TAFA4: variants seen among roughly 807,000 people sequenced by gnomAD.
TAFA4 encodes the protein chemokine-like protein TAFA-4.
A neutral mutation model predicts 21.1 loss-of-function variants in TAFA4; 20 were observed. The ratio of observed to expected loss-of-function variants is 0.95; its 90% confidence interval spans 0.67 to 1.38. TAFA4 has a LOEUF of 1.38. TAFA4 is among the 40% of genes most tolerant of loss of function. The pLI, the probability that TAFA4 is intolerant of heterozygous loss-of-function variation, is 0.00. For synonymous variants in TAFA4, 71 were observed against 67.4 expected, an observed-to-expected ratio of 1.05 and a Z score of -0.26; for missense variants, 211 against 180.9, an observed-to-expected ratio of 1.17 and a Z score of -0.95.
intron 3 of TAFA4, among the ~76,000 whole-genome samples, chr3:68,816,682 A>G (rs1703985465): frequency 6.6e-6 from 1 of 152,124 alleles, no homozygotes; most frequent in South Asian, 2.1e-4. Context: ...TGACTTGGGT[A>G]CCTTTTACAG....
intron 3 of TAFA4, among the ~76,000 whole-genome samples, chr3:68,765,213 A>T (rs1702828115): frequency 1.3e-5 from 2 of 152,134 alleles, no homozygotes; most frequent in South Asian, 4.1e-4. Context: ...TAGATTTCTT[A>T]TTTGTTCTTC....
intron 3 of TAFA4, among the ~76,000 whole-genome samples, chr3:68,812,816 C>A (rs897597307): frequency 6.6e-6 from 1 of 152,106 alleles, no homozygotes; most frequent in African/African-American, 2.4e-5. Flanking sequence ...AGCTCTGCAC[C>A]AAGCAGACCT....
intron 3 of TAFA4, among the ~76,000 whole-genome samples, chr3:68,826,422 A>C (rs1435076004): frequency 6.6e-6 from 1 of 152,028 alleles, no homozygotes; most frequent in Non-Finnish European, 1.5e-5. Flanking sequence ...AATACAAAAA[A>C]ATTGGCTCGG....
At chr3:68,870,005 G>C (rs931947204) in intron 3 of TAFA4, among the ~76,000 whole-genome samples, 1 of 151,964 alleles carries the variant, frequency 6.6e-6, no homozygotes, top group Admixed American at 6.6e-5. Flanking sequence ...AGTGAATTCA[G>C]TAAAGTTGCA....
At chr3:68,920,024 G>A (rs1025984579) in intron 1 of TAFA4, among the ~76,000 whole-genome samples, 106 of 152,306 alleles carry the variant, frequency 7.0e-4, no homozygotes, top group African/African-American at 2.5e-3. Flanking sequence ...CCACATCTCA[G>A]TTAACACCAT....
intron 3 of TAFA4, among the ~76,000 whole-genome samples, chr3:68,830,683 T>C (rs1290913159): frequency 6.6e-6 from 1 of 152,148 alleles, no homozygotes; most frequent in Non-Finnish European, 1.5e-5. Flanking sequence ...GGGTGGAGAG[T>C]TCTGTAGAGG....
In TAFA4 at chr3:68,930,258, TG is replaced by T. The variant is rs374234907; in HGVS notation, c.-123+1981del. On this transcript the variant is annotated intron_variant, in intron 1 of 5. Coordinates refer to ENST00000295569, the MANE Select transcript of TAFA4 (RefSeq NM_182522.5). Reference sequence around the variant, plus strand: ...TATTCTAGTACTAGAAATATAAAAATGGTTGCCTTCAATGAAAAATATCCAA... The same window carrying T: ...TATTCTAGTACTAGAAATATAAAAATGTTGCCTTCAATGAAAAATATCCAA... 3.3e-3 allele frequency among the ~76,000 whole-genome samples: 499 copies of T among 152,310 alleles called. 1 individual carries two copies. Among genetic ancestry groups the T allele is most frequent in the South Asian group, 7.7e-3 (37 of 4,824 alleles).
chr3:68,822,189 T>A (rs1704127988), intron 3 of TAFA4, among the ~76,000 whole-genome samples: 1 of 152,220 alleles, frequency 6.6e-6, no homozygotes, highest in African/African-American at 2.4e-5. Context: ...TATAAACTGT[T>A]ATTGAGTCAA....
chr3:68,752,013 T>C (rs1702563980), intron 4 of TAFA4, among the ~76,000 whole-genome samples: 1 of 152,216 alleles, frequency 6.6e-6, no homozygotes, highest in African/African-American at 2.4e-5. Context: ...TGTATGTCTA[T>C]ATGTGTGTTT....
At chr3:68,803,197 CTATT>C (rs1430086970) in intron 3 of TAFA4, among the ~76,000 whole-genome samples, 6 of 152,138 alleles carry the variant, frequency 3.9e-5, no homozygotes, top group African/African-American at 1.4e-4. Context: ...AGCCATCTAT[CTATT>C]TGTTAATGCT....
chr3:68,751,908 T>C (rs1210188914), intron 4 of TAFA4, among the ~76,000 whole-genome samples: 2 of 152,214 alleles, frequency 1.3e-5, no homozygotes, highest in Non-Finnish European at 2.9e-5. Context: ...GATAAAGAAC[T>C]GTAGGTGGAA....
intron 3 of TAFA4, among the ~76,000 whole-genome samples, chr3:68,870,741 C>T (rs963041572): frequency 2.0e-5 from 3 of 152,028 alleles, no homozygotes; most frequent in Non-Finnish European, 4.4e-5. Flanking sequence ...TCCCCTTGCT[C>T]CCCACCCGAC....
At chr3:68,779,118 A>G (rs944890604) in intron 3 of TAFA4, among the ~76,000 whole-genome samples, 21 of 152,200 alleles carry the variant, frequency 1.4e-4, no homozygotes, top group Non-Finnish European at 1.0e-4. Context: ...GAGTGGCAGC[A>G]TTTTGCCCTG....
chr3:68,784,452 A>G (rs1703211904), intron 3 of TAFA4, among the ~76,000 whole-genome samples: 1 of 151,834 alleles, frequency 6.6e-6, no homozygotes, highest in African/African-American at 2.4e-5. Context: ...GCTCAGGGGT[A>G]AAGCTGGCTC....
intron 4 of TAFA4, among the ~76,000 whole-genome samples, chr3:68,749,080 C>T (rs1392635366): frequency 1.3e-5 from 2 of 152,218 alleles, no homozygotes; most frequent in African/African-American, 4.8e-5. Context: ...ACCACAGTCT[C>T]ACGATCAAAT....
At chr3:68,734,484 G>A (rs1460711054) in intron 5 of TAFA4, among the ~76,000 whole-genome samples, 1 of 152,042 alleles carries the variant, frequency 6.6e-6, no homozygotes, top group East Asian at 1.9e-4. Context: ...GAGAGGAAGA[G>A]TTAAATGCAA....
At chr3:68,877,584 C>T (rs376959345) in intron 3 of TAFA4, among the ~76,000 whole-genome samples, 2 of 152,194 alleles carry the variant, frequency 1.3e-5, no homozygotes, top group African/African-American at 4.8e-5. Context: ...TAAAAGGGCT[C>T]TCAACACCCT....
At chr3:68,925,424 G>A (rs754052470) in intron 1 of TAFA4, among the ~76,000 whole-genome samples, 2 of 152,120 alleles carry the variant, frequency 1.3e-5, no homozygotes, top group Non-Finnish European at 2.9e-5. Context: ...TGCCCCCAAC[G>A]ATACATACAG....
At chr3:68,811,923 A>G (rs1052153522) in intron 3 of TAFA4, among the ~76,000 whole-genome samples, 1 of 152,174 alleles carries the variant, frequency 6.6e-6, no homozygotes, top group African/African-American at 2.4e-5. Flanking sequence ...GCAGCCAGAG[A>G]GAAAGGTCGG....
Sources: allele counts gnomAD v4.1 joint callset (sites outside exome capture counted in the v4.1 genomes callset), GRCh38; gene constraint gnomAD v4.1.1; transcripts MANE v1.5; gene names NCBI Gene and HGNC (gene_info 2026-07-23, HGNC 2026-07-21).